The following CAMK4 variants were observed in gnomAD, a reference collection of about 807,000 sequenced individuals.
CAMK4 encodes the protein calcium/calmodulin dependent protein kinase IV.
CAMK4 carries 22 observed loss-of-function variants against 44.9 expected under a neutral mutation model. The ratio of observed to expected loss-of-function variants is 0.49; its 90% CI spans 0.35 to 0.70. The LOEUF (loss-of-function observed/expected upper bound fraction) is 0.70. CAMK4 is among the 30% of genes least tolerant of loss of function. The pLI is 0.01. For synonymous variants in CAMK4, 218 were observed against 215.4 expected, an observed-to-expected ratio of 1.01 and a Z score of -0.11; for missense variants, 498 against 586.8, an observed-to-expected ratio of 0.85 and a Z score of 1.56.
intron 1 of CAMK4, among the ~76,000 whole-genome samples, chr5:111,256,724 CT>C (rs1216784713): frequency 2.6e-5 from 4 of 152,032 alleles, no homozygotes; most frequent in African/African-American, 9.7e-5. Context: ...CAGCCCAAGT[CT>C]TTTTTTAAAG....
At chr5:111,367,609 A>G (rs1446180492) in intron 2 of CAMK4, among the ~76,000 whole-genome samples, 2 of 152,104 alleles carry the variant, frequency 1.3e-5, no homozygotes, top group African/African-American at 4.8e-5. Context: ...AAGCAAGCAT[A>G]TGCCTAAAAT....
intron 8 of CAMK4, among the ~76,000 whole-genome samples, chr5:111,477,037 C>T (rs146091576): frequency 2.0e-4 from 30 of 151,058 alleles, no homozygotes; most frequent in African/African-American, 6.8e-4. Flanking sequence ...CTAACTGCAA[C>T]AGGCCATAGG....
At chr5:111,466,360 CAAGAG>C (rs1313528131) in intron 7 of CAMK4, among the ~76,000 whole-genome samples, 1 of 151,998 alleles carries the variant, frequency 6.6e-6, no homozygotes, top group African/African-American at 2.4e-5. Context: ...AGCAATCAGA[CAAGAG>C]AAAGAAATAA....
chr5:111,337,751 T>A (rs1454231295), intron 1 of CAMK4, among the ~76,000 whole-genome samples: 1 of 151,126 alleles, frequency 6.6e-6, no homozygotes, highest in Admixed American at 6.6e-5. Context: ...GAGGAACTGA[T>A]AAGCTCTGAT....
chr5:111,241,646 C>A (rs184197227), intron 1 of CAMK4, among the ~76,000 whole-genome samples: 1 of 152,072 alleles, frequency 6.6e-6, no homozygotes. Flanking sequence ...AATTGCTTAT[C>A]GTTCTGTAAG....
At chr5:111,239,940 T>G (rs185181765) in intron 1 of CAMK4, among the ~76,000 whole-genome samples, 1 of 152,238 alleles carries the variant, frequency 6.6e-6, no homozygotes, top group Non-Finnish European at 1.5e-5. Flanking sequence ...GGGTAGTACA[T>G]GGTGCAATAT....
At chr5:111,390,741 A>G (rs944779906) in intron 4 of CAMK4, among the ~76,000 whole-genome samples, 1 of 152,218 alleles carries the variant, frequency 6.6e-6, no homozygotes, top group African/African-American at 2.4e-5. Flanking sequence ...TCATAAGACT[A>G]GACAGCAACT....
At position 111,276,117 on chromosome 5, in the gene CAMK4, T is replaced by G. The variant is rs180928108; in HGVS notation, c.161+51473T>G. 2.4e-3 allele frequency among the ~76,000 whole-genome samples: 369 copies of G among 152,338 alleles called. 9 individuals carry two copies. Among genetic ancestry groups the G allele is most frequent in the Admixed American group, 0.02 (305 of 15,288 alleles). On this transcript the variant is annotated intron_variant, in intron 1 of 10. Coordinates refer to ENST00000282356, the MANE Select transcript of CAMK4 (RefSeq NM_001744.6). Reference sequence around the variant, plus strand: ...GAGGGCTAATGCTTTTATTTAGGTTTGAGAAATATTCAGTTATAATTTACT... The same window carrying G: ...GAGGGCTAATGCTTTTATTTAGGTTGGAGAAATATTCAGTTATAATTTACT...
rs545004275 is a variant in CAMK4 at position 111,255,941 on chromosome 5, T to G, written c.161+31297T>G. ...TTTTTAAGGCTAATGATGTAAAGAT[T>G]AAAAACATTTCCCCAAGGTCAGTTT... is the stretch of plus-strand genomic sequence containing the variant. On this transcript the variant is annotated intron_variant, in intron 1 of 10. Coordinates refer to ENST00000282356, the MANE Select transcript of CAMK4 (RefSeq NM_001744.6). Among the ~76,000 whole-genome samples, 68 of 152,312 alleles carry G rather than the reference T, an allele frequency of 4.5e-4. 1 individual carries two copies. In the South Asian group the frequency reaches 0.014, roughly 31 times the overall value.
intron 5 of CAMK4, among the ~76,000 whole-genome samples, chr5:111,407,811 G>A (rs1052880824): frequency 1.3e-5 from 2 of 152,208 alleles, no homozygotes; most frequent in African/African-American, 4.8e-5. Flanking sequence ...CCTACTGCAG[G>A]CCACAAGAGA....
intron 2 of CAMK4, among the ~76,000 whole-genome samples, chr5:111,365,688 T>C (rs1408547017): frequency 6.6e-6 from 1 of 152,010 alleles, no homozygotes; most frequent in Non-Finnish European, 1.5e-5. Flanking sequence ...TGCTTCCAGG[T>C]CTTGGGGTAC....
At chr5:111,457,606 T>C (rs1399729832) in intron 7 of CAMK4, among the ~76,000 whole-genome samples, 1 of 152,170 alleles carries the variant, frequency 6.6e-6, no homozygotes, top group African/African-American at 2.4e-5. Context: ...ACAGAAGAGA[T>C]CTCTGCTTAA....
At chr5:111,355,842 T>C (rs1410308475) in intron 2 of CAMK4, among the ~76,000 whole-genome samples, 1 of 146,462 alleles carries the variant, frequency 6.8e-6, no homozygotes, top group Non-Finnish European at 1.5e-5. Flanking sequence ...TCATCATTTT[T>C]TATGGCTGCA....
intron 4 of CAMK4, 130 bp downstream of exon 4, chr5:111,377,072 A>T (rs1751240316): frequency 1.8e-6 from 1 of 565,664 alleles, no homozygotes; most frequent in African/African-American, 1.9e-5. Context: ...TACTAAAAAA[A>T]GTCTTAAGAA....
At position 111,232,754 on chromosome 5, in the gene CAMK4, T is replaced by C. The variant is rs569862050; in HGVS notation, c.161+8110T>C. Among the ~76,000 whole-genome samples the C allele has an allele frequency of 1.4e-3, 206 of 151,730 alleles. 3 individuals are homozygous for C. Among genetic ancestry groups the C allele is most frequent in the African/African-American group, 4.8e-3 (197 of 41,402 alleles). On this transcript the variant is annotated intron_variant, in intron 1 of 10. Coordinates refer to ENST00000282356, the MANE Select transcript of CAMK4 (RefSeq NM_001744.6). ...AACATGGGGCTAGATAAGAGAAAACTGATGATGTAAATTTTTTTTTTTTTT... is the reference window on the plus strand; with the variant it reads ...AACATGGGGCTAGATAAGAGAAAACCGATGATGTAAATTTTTTTTTTTTTT...
chr5:111,300,840 A>C (rs763679524), intron 1 of CAMK4, among the ~76,000 whole-genome samples: 4 of 152,262 alleles, frequency 2.6e-5, no homozygotes, highest in African/African-American at 7.2e-5. Context: ...GAAACTGCAT[A>C]TTTAAATTAG....
chr5:111,478,645 A>G (rs1044262025), intron 9 of CAMK4, 138 bp downstream of exon 9: 1 of 465,096 alleles, frequency 2.2e-6, no homozygotes, highest in Non-Finnish European at 3.8e-6. Flanking sequence ...TAATAAAATT[A>G]GTTCATTAAT....
intron 5 of CAMK4, among the ~76,000 whole-genome samples, chr5:111,439,378 GT>G (rs1236816218): frequency 3.9e-5 from 6 of 152,180 alleles, no homozygotes; most frequent in African/African-American, 1.4e-4. Context: ...GGCAAGGGCA[GT>G]AAGCAGGGAA....
chr5:111,412,970 A>G (rs892067416), intron 5 of CAMK4, among the ~76,000 whole-genome samples: 54 of 152,278 alleles, frequency 3.5e-4, no homozygotes, highest in African/African-American at 1.2e-3. Flanking sequence ...CACATTGACT[A>G]TGGGGTAGCT....
Sources: allele counts gnomAD v4.1 joint callset (sites outside exome capture counted in the v4.1 genomes callset), GRCh38; gene constraint gnomAD v4.1.1; transcripts MANE v1.5; gene names NCBI Gene and HGNC (gene_info 2026-07-23, HGNC 2026-07-21).